ASB6: variants seen among roughly 807,000 people sequenced by gnomAD.
ASB6 encodes ankyrin repeat and SOCS box protein 6.
ASB6 carries 24 observed loss-of-function variants against 28.6 expected under a neutral mutation model. The observed-to-expected ratio is 0.84, with a 90% CI of 0.61 to 1.18. The LOEUF is 1.18. Among genes scored for constraint, ASB6 ranks in the 50% most tolerant of loss-of-function variants. ASB6 has a pLI of 0.00. For missense variants in ASB6, 519 were observed against 559.8 expected (o/e 0.93, Z 0.74); for synonymous variants, 267 against 243.4 (o/e 1.10, Z -0.90).
Position 129,635,118 on chromosome 9 carries a change from A to T in ASB6, c.*2672T>A. 6.8e-7 allele frequency: 1 copy of T among 1,466,304 alleles called. No individual in the cohort carries two copies. The highest frequency in any genetic ancestry group is 9.2e-7 in the Non-Finnish European group (1 of 1,086,218). 90.8% of individuals were successfully genotyped at this position (1,466,304 alleles called of 1,614,324 possible). On this transcript the variant is annotated 3_prime_UTR_variant, in exon 6 of 6. Transcript: ENST00000277458. Reference sequence around the variant, plus strand: ...GCACACAAAATGCTGGGCACAAATGAGGGGCTCAGCGGGGCTGAGAAGTAC... The same window carrying T: ...GCACACAAAATGCTGGGCACAAATGTGGGGCTCAGCGGGGCTGAGAAGTAC...
chr9:129,635,542 CGCTG>C lies in ASB6; in HGVS notation c.*2244_*2247del. 1 of 1,507,524 alleles carries C rather than the reference CGCTG, an allele frequency of 6.6e-7. No homozygotes were observed. The highest frequency in any genetic ancestry group is 9.0e-7 in the Non-Finnish European group (1 of 1,115,002). 93.4% of individuals were successfully genotyped at this position (1,507,524 alleles called of 1,614,324 possible). A position where few individuals can be genotyped will look rare whatever the true frequency, so the allele number is the denominator to read the frequency against. On this transcript the variant is annotated 3_prime_UTR_variant, in exon 6 of 6. Transcript: ENST00000277458. Reference sequence around the variant, plus strand: ...GCAGCTGGGCAAGATCCAGGCGCCACGCTGGCGGTTCGTGAGTGTCGAGGCACCA... The same window carrying C: ...GCAGCTGGGCAAGATCCAGGCGCCACGCGGTTCGTGAGTGTCGAGGCACCA...
rs1028026423 is a variant in ASB6, at chr9:129,635,694, G to A, written c.*2096C>T. The stretch of plus-strand genomic sequence containing the variant: ...GCAGGAGCCCAGACCCTGCTCTCCT[G>A]CGAGATGGGATTGGGTGGAAGGGGC... On this transcript the variant is annotated 3_prime_UTR_variant, in exon 6 of 6. Coordinates refer to ENST00000277458, the MANE Select transcript of ASB6 (RefSeq NM_017873.4). The A allele has an allele frequency of 3.7e-6, 2 of 536,284 alleles. No individual in the cohort carries two copies. Among genetic ancestry groups the A allele is most frequent in the African/African-American group, 3.8e-5 (2 of 52,514 alleles). The allele number at this position is 536,284 out of a possible 1,614,324, so 33.2% of individuals were successfully genotyped here.
In ASB6 at chr9:129,635,605, C is replaced by T. The variant is rs982375852; in HGVS notation, c.*2185G>A. 22 of 1,077,604 alleles carry T rather than the reference C, an allele frequency of 2.0e-5. No homozygotes were observed. The highest frequency in any genetic ancestry group is 9.5e-5 in the African/African-American group (6 of 63,462). The allele number at this position is 1,077,604 out of a possible 1,614,324, so 66.8% of individuals were successfully genotyped here. On this transcript the variant is annotated 3_prime_UTR_variant, in exon 6 of 6. Transcript: ENST00000277458. ...AGCTGTCTGCCGTCCACTCATTATG[C>T]GGGCTCTTCTTCAAAAGGCAAGGTG...
In ASB6 at chr9:129,642,129, G is replaced by A; in HGVS notation, c.-130C>T. 1.5e-6 allele frequency: 2 copies of A among 1,336,220 alleles called. No individual in the cohort carries two copies. The highest frequency in any genetic ancestry group is 1.9e-6 in the Non-Finnish European group (2 of 1,044,668). The allele number at this position is 1,336,220 out of a possible 1,614,324, so 82.8% of individuals were successfully genotyped here. A position where few individuals can be genotyped will look rare whatever the true frequency, so the allele number is the denominator to read the frequency against. On this transcript the variant is annotated 5_prime_UTR_variant, in exon 1 of 6. Transcript: ENST00000277458. The surrounding 1 kb of genome is among the most constrained non-coding windows in gnomAD (Gnocchi z 4.3). ...CAGTCCAGCCCCTGCGCCCGGCCGG[G>A]TCCGCTCCTCAGTCCAAGCCGCGCC...
chr9:129,640,665 C>T lies in ASB6; in HGVS notation c.171G>A (p.Glu57=), dbSNP rs948204864. The change falls in exon 2 of 6, where the codon GAG becomes GAA. Residue 57 remains glutamate (E), a synonymous_variant. Coordinates refer to ENST00000277458, the MANE Select transcript of ASB6 (RefSeq NM_017873.4). ...GGTAAAAGGGAGAGTGGGCTTTCCTCTCCAGCAGCTCAGTGAGAACAAGGA... is the reference window on the plus strand; with the variant it reads ...GGTAAAAGGGAGAGTGGGCTTTCCTTTCCAGCAGCTCAGTGAGAACAAGGA... ...SRILVLTELL[E]RKAHSPFYQE... 5 of 1,614,054 alleles carry T rather than the reference C, an allele frequency of 3.1e-6. No homozygotes were observed. The African/African-American group carries it at 4.0e-5, about 13-fold the overall frequency.
chr9:129,641,735 G>T, intron 1 of ASB6, 152 bp downstream of exon 1: 1 of 852,954 alleles, frequency 1.2e-6, no homozygotes, highest in Non-Finnish European at 1.7e-6. Context: ...TCCGCGCGGG[G>T]CAGCGCGCAC....
chr9:129,639,108 C>T (rs1357655575), intron 4 of ASB6, 94 bp downstream of exon 4: 1 of 1,249,510 alleles, frequency 8.0e-7, no homozygotes, highest in African/African-American at 1.5e-5. Flanking sequence ...AGCATCCAGT[C>T]TGCCCACCTA....
At chr9:129,640,890 G>A (rs1422702145) in intron 1 of ASB6, 168 bp from the exon 2 acceptor site, 9 of 767,364 alleles carry the variant, frequency 1.2e-5, no homozygotes, top group Non-Finnish European at 1.9e-5. Flanking sequence ...GGGCCACGCT[G>A]CATCTCTTAA....
In ASB6 at chr9:129,642,067, G is replaced by C. The variant is rs1182525419; in HGVS notation, c.-68C>G. ...AGGCCGAGATGCCCAGACGCCGACC[G>C]GAACGCTCCGGCGGCCGCGGACCCC... On this transcript the variant is annotated 5_prime_UTR_variant, in exon 1 of 6. Coordinates refer to ENST00000277458, the MANE Select transcript of ASB6 (RefSeq NM_017873.4). This position sits in a 1 kb window ranked among gnomAD's most constrained non-coding sequence, Gnocchi z 4.3. 10 of 1,475,614 alleles carry C rather than the reference G, an allele frequency of 6.8e-6. No individual in the cohort carries two copies. The highest frequency in any genetic ancestry group is 8.1e-6 in the Non-Finnish European group (9 of 1,110,804). 91.4% of individuals were successfully genotyped at this position (1,475,614 alleles called of 1,614,324 possible).
rs753630070 is a variant in ASB6 at position 129,635,854 on chromosome 9, C to T, written c.*1936G>A. The T allele has an allele frequency of 3.5e-4, 78 of 224,848 alleles. No homozygotes were observed. Among genetic ancestry groups the T allele is most frequent in the Non-Finnish European group, 6.5e-4 (73 of 111,926 alleles). 13.9% of individuals were successfully genotyped at this position (224,848 alleles called of 1,614,324 possible). A position where few individuals can be genotyped will look rare whatever the true frequency, so the allele number is the denominator to read the frequency against. On this transcript the variant is annotated 3_prime_UTR_variant, in exon 6 of 6. Transcript: ENST00000277458. ...AAGGAAACCACCCCCAACTTGGTTG[C>T]TGGGGACTTGAAGACTTCAGTGTGA...
At position 129,637,918 on chromosome 9, in the gene ASB6, G is replaced by A. The variant is rs781625054; in HGVS notation, c.1138C>T (p.Arg380Cys). The change falls in exon 6 of 6, where the codon CGT becomes TGT. Residue 380 changes from arginine to cysteine, a missense_variant. By Grantham distance (180) the Arg-to-Cys change is radical. Transcript: ENST00000277458. The stretch of plus-strand genomic sequence containing the variant: ...TGAAGGTAGAGCCGGATGGCCACAC[G>A]GCACAGGTGCTTGAGGGGCGGGGGA... ...SYPPPLKHLCRVAIRLYLQPW... is the reference protein window; with the variant it reads ...SYPPPLKHLCCVAIRLYLQPW... 5.7e-6 allele frequency: 9 copies of A among 1,587,742 alleles called. No individual in the cohort carries two copies. Among genetic ancestry groups the A allele is most frequent in the South Asian group, 3.5e-5 (3 of 86,706 alleles).
chr9:129,638,581 A>T lies in ASB6; in HGVS notation c.590T>A (p.Leu197Gln). The T allele has an allele frequency of 6.2e-7, 1 of 1,614,022 alleles. No individual in the cohort carries two copies. Among genetic ancestry groups the T allele is most frequent in the South Asian group, 1.1e-5 (1 of 91,048 alleles). The change falls in exon 5 of 6, where the codon CTG becomes CAG. Residue 197 changes from leucine to glutamine, a missense_variant. Transcript: ENST00000277458. ...IHNTENIRLL[L>Q]EGGADVKATT... ...GAGCGCGCCAGCCTCACCTCCTTCC[A>T]GTAAGAGACGAATGTTCTCAGTATT...
chr9:129,634,920 A>G lies in ASB6; in HGVS notation c.*2870T>C. ...TTCACTCCTCCGATCCAAGCCTGGCAGGGGTGGGGCATCATGGTGTGTAGG... is the reference window on the plus strand; with the variant it reads ...TTCACTCCTCCGATCCAAGCCTGGCGGGGGTGGGGCATCATGGTGTGTAGG... On this transcript the variant is annotated 3_prime_UTR_variant, in exon 6 of 6. Coordinates refer to ENST00000277458, the MANE Select transcript of ASB6 (RefSeq NM_017873.4). The G allele has an allele frequency of 2.4e-6, 1 of 416,902 alleles. No individual in the cohort carries two copies. The highest frequency in any genetic ancestry group is 4.4e-6 in the Non-Finnish European group (1 of 228,518). The allele number at this position is 416,902 out of a possible 1,614,324, so 25.8% of individuals were successfully genotyped here.
rs1306627101 is a variant in ASB6, at chr9:129,634,787, C to CT, written c.*3002dup. 20 of 256,048 alleles carry CT rather than the reference C, an allele frequency of 7.8e-5. No homozygotes were observed. The highest frequency in any genetic ancestry group is 3.6e-4 in the African/African-American group (16 of 44,270). The allele number at this position is 256,048 out of a possible 1,614,324, so 15.9% of individuals were successfully genotyped here. A position where few individuals can be genotyped will look rare whatever the true frequency, so the allele number is the denominator to read the frequency against. On this transcript the variant is annotated 3_prime_UTR_variant, in exon 6 of 6. Transcript: ENST00000277458. ...GCAGCACAGGCCTGCTGTGGACACT[C>CT]TAGGTCTGGCCTTGTATTTTGTGGT...
chr9:129,638,107 C>T lies in ASB6; in HGVS notation c.949G>A (p.Glu317Lys), dbSNP rs925967428. 6.8e-6 allele frequency: 11 copies of T among 1,614,082 alleles called. No homozygotes were observed. The highest frequency in any genetic ancestry group is 6.7e-5 in the East Asian group (3 of 44,902). Residue 317 changes from glutamate to lysine, a missense_variant, in exon 6 of 6, where the codon GAG (glutamate) becomes AAG (lysine). Physicochemically the swap from Glu to Lys is moderately conservative, Grantham distance 56 (BLOSUM62 1). Transcript: ENST00000277458. ...LCSHPGCTED[E>K]SHADLLRKAE... ...TTGCGCAGGAGGTCCGCATGGCTCT[C>T]GTCTTCCGTGCAGCCTGGGTGGGAA...
rs1035179659 is a variant in ASB6 at position 129,634,905 on chromosome 9, C to T, written c.*2885G>A. On this transcript the variant is annotated 3_prime_UTR_variant, in exon 6 of 6. Transcript: ENST00000277458. Reference sequence around the variant, plus strand: ...AACTCTTAGCCCAGGTTCACTCCTCCGATCCAAGCCTGGCAGGGGTGGGGC... The same window carrying T: ...AACTCTTAGCCCAGGTTCACTCCTCTGATCCAAGCCTGGCAGGGGTGGGGC... The T allele has an allele frequency of 2.8e-5, 11 of 389,294 alleles. No homozygotes were observed. The highest frequency in any genetic ancestry group is 5.3e-5 in the East Asian group (1 of 18,780). The allele number at this position is 389,294 out of a possible 1,614,324, so 24.1% of individuals were successfully genotyped here.
intron 4 of ASB6, 63 bp downstream of exon 4, chr9:129,639,139 T>G (rs549974120): frequency 6.7e-7 from 1 of 1,488,062 alleles, no homozygotes; most frequent in Admixed American, 2.0e-5. Context: ...TGGGGCACCC[T>G]GGGTGTCCCC....
chr9:129,637,634 T>A lies in ASB6; in HGVS notation c.*156A>T. ...AGAGCTGCACCCTTCACCACTGGAG[T>A]GATCACAGCTTCAGGCTCTACCTGG... On this transcript the variant is annotated 3_prime_UTR_variant, in exon 6 of 6. Coordinates refer to ENST00000277458, the MANE Select transcript of ASB6 (RefSeq NM_017873.4). 1.4e-6 allele frequency: 1 copy of A among 696,124 alleles called. No individual in the cohort carries two copies. Among genetic ancestry groups the A allele is most frequent in the Non-Finnish European group, 2.2e-6 (1 of 458,926 alleles). The allele number at this position is 696,124 out of a possible 1,614,324, so 43.1% of individuals were successfully genotyped here. A position where few individuals can be genotyped will look rare whatever the true frequency, so the allele number is the denominator to read the frequency against.
In ASB6 at chr9:129,635,425, C is replaced by A. The variant is rs151072869; in HGVS notation, c.*2365G>T. On this transcript the variant is annotated 3_prime_UTR_variant, in exon 6 of 6. Transcript: ENST00000277458. ...CCGAGGAGAGGCAGGAGAACCTCCCCGATGAGATCTACCATGTCTATAGCT... is the reference window on the plus strand; with the variant it reads ...CCGAGGAGAGGCAGGAGAACCTCCCAGATGAGATCTACCATGTCTATAGCT... The A allele has an allele frequency of 5.0e-6, 8 of 1,613,386 alleles. No individual in the cohort carries two copies. The South Asian group carries it at 8.8e-5, about 18-fold the overall frequency.
Sources: allele counts gnomAD v4.1 joint callset, GRCh38; gene constraint gnomAD v4.1.1; non-coding constraint Gnocchi (gnomAD v3.1); transcripts MANE v1.5; gene names NCBI Gene and HGNC (gene_info 2026-07-23, HGNC 2026-07-21).